Variants in ERC1 observed in about 807,000 individuals in gnomAD.
ERC1 encodes ELKS/RAB6-interacting/CAST family member 1.
ERC1 carries 56 observed loss-of-function variants against 132.0 expected under a neutral mutation model. The ratio of observed to expected loss-of-function variants is 0.42; its 90% confidence interval spans 0.34 to 0.53. The LOEUF is 0.53. Among genes scored for constraint, ERC1 ranks in the 20% least tolerant of loss-of-function variants. ERC1 has a pLI of 0.03. For missense variants in ERC1, 1,202 were observed against 1,349.9 expected (o/e 0.89, Z 1.72); for synonymous variants, 478 against 476.1 (o/e 1.00, Z -0.05).
At position 1,333,080 on chromosome 12, in the gene ERC1, G is replaced by A. The variant is rs111908354; in HGVS notation, c.2781-38753G>A. 3.9e-4 allele frequency among the ~76,000 whole-genome samples: 56 copies of A among 144,694 alleles called. 1 individual carries two copies. The highest frequency in any genetic ancestry group is 1.4e-3 in the African/African-American group (52 of 37,446). The allele number at this position is 144,694 out of a possible 152,430, so 94.9% of individuals were successfully genotyped here. The stretch of plus-strand genomic sequence containing the variant: ...CGTCCTGATCCTCGTCCTGATCCTC[G>A]TCCTGATCCTCGTCCTCCTCTCACC... On this transcript the variant is annotated intron_variant, in intron 15 of 18. Coordinates refer to ENST00000360905, the MANE Select transcript of ERC1 (RefSeq NM_178040.4).
At chr12:1,368,429 A>G (rs756685715) in intron 15 of ERC1, among the ~76,000 whole-genome samples, 40 of 152,188 alleles carry the variant, frequency 2.6e-4, no homozygotes, top group Non-Finnish European at 5.0e-4. Flanking sequence ...GACAGCTATT[A>G]AAATAAAATT....
chr12:1,467,457 C>T (rs1247827709), intron 18 of ERC1, among the ~76,000 whole-genome samples: 2 of 152,148 alleles, frequency 1.3e-5, no homozygotes, highest in South Asian at 2.1e-4. Context: ...CCAGCTTAAC[C>T]TCTTCATTGT....
At chr12:1,188,190 C>T (rs556773718) in intron 11 of ERC1, among the ~76,000 whole-genome samples, 15 of 152,278 alleles carry the variant, frequency 9.9e-5, no homozygotes, top group African/African-American at 2.6e-4. Context: ...TTGCCTATTT[C>T]GTCACCTTCT....
chr12:1,266,454 G>GAGT (rs1016129728), intron 14 of ERC1, among the ~76,000 whole-genome samples: 5 of 127,628 alleles, frequency 3.9e-5, no homozygotes, highest in African/African-American at 1.5e-4. Flanking sequence ...GCCCGGGCTG[G>GAGT]AGTGTAATGG....
At chr12:1,192,276 C>T (rs1566199343) in intron 12 of ERC1, among the ~76,000 whole-genome samples, 1 of 152,126 alleles carries the variant, frequency 6.6e-6, no homozygotes, top group Non-Finnish European at 1.5e-5. Context: ...TCACTTATGC[C>T]CTTGAATGCC....
intron 8 of ERC1, among the ~76,000 whole-genome samples, chr12:1,160,055 T>C (rs946166704): frequency 6.6e-6 from 1 of 151,090 alleles, no homozygotes; most frequent in Non-Finnish European, 1.5e-5. Flanking sequence ...ATCTTTTGAC[T>C]CTTGATTTGA....
chr12:1,113,449 A>G (rs966255510), intron 6 of ERC1, among the ~76,000 whole-genome samples: 1 of 152,210 alleles, frequency 6.6e-6, no homozygotes, highest in Non-Finnish European at 1.5e-5. Context: ...TACTGCTTAC[A>G]AGTTCTTTAC....
intron 2 of ERC1, among the ~76,000 whole-genome samples, chr12:1,043,856 G>C (rs1315899438): frequency 2.6e-5 from 4 of 152,200 alleles, no homozygotes; most frequent in African/African-American, 4.8e-5. Context: ...TAATGCTACT[G>C]TCTCTTTAGC....
In ERC1 at chr12:1,048,153, G is replaced by C. The variant is rs1971373287; in HGVS notation, c.669+19581G>C. On this transcript the variant is annotated intron_variant, in intron 2 of 18. Coordinates refer to ENST00000360905, the MANE Select transcript of ERC1 (RefSeq NM_178040.4). ...ACTCGTTTGTGATGTTTTTGCATTT[G>C]TTTGGTTTCTGTTTGCTGCTATGTT... Among the ~76,000 whole-genome samples, 2 of 152,212 alleles carry C rather than the reference G, an allele frequency of 1.3e-5. 1 individual carries two copies. The highest frequency in any genetic ancestry group is 4.1e-4 in the South Asian group (2 of 4,836).
chr12:1,480,825 T>C (rs2094075238), intron 18 of ERC1: 2 of 702,346 alleles, frequency 2.8e-6, no homozygotes, highest in Admixed American at 4.0e-5. Context: ...AAATACATCT[T>C]TCCCAACTTA....
intron 8 of ERC1, among the ~76,000 whole-genome samples, chr12:1,153,305 A>G (rs1566095496): frequency 6.6e-6 from 1 of 152,254 alleles, no homozygotes; most frequent in Non-Finnish European, 1.5e-5. Context: ...CACATGCTGA[A>G]TATGTTAGAC....
chr12:1,378,100 T>C (rs1269149921), intron 16 of ERC1, among the ~76,000 whole-genome samples: 2 of 152,208 alleles, frequency 1.3e-5, no homozygotes, highest in Non-Finnish European at 2.9e-5. Flanking sequence ...AATATAAATA[T>C]ATTGTTTTGT....
chr12:1,017,601 C>T (rs1240126639), intron 1 of ERC1, among the ~76,000 whole-genome samples: 4 of 149,548 alleles, frequency 2.7e-5, no homozygotes, highest in Non-Finnish European at 4.4e-5. Context: ...CGGGTTCAAG[C>T]GATTCTCATG....
chr12:1,311,686 G>A (rs75810640), intron 15 of ERC1, among the ~76,000 whole-genome samples: 5,268 of 152,140 alleles, frequency 0.035, 98 homozygotes, highest in Middle Eastern at 0.075. Context: ...AAATGGTACC[G>A]ATCCAGTTGG....
intron 4 of ERC1, among the ~76,000 whole-genome samples, chr12:1,107,189 C>T (rs558024049): frequency 6.6e-6 from 1 of 152,280 alleles, no homozygotes; most frequent in Non-Finnish European, 1.5e-5. Context: ...TTCTCTTCCT[C>T]CCCTTTCTCT....
intron 7 of ERC1, among the ~76,000 whole-genome samples, chr12:1,132,465 T>C (rs1033885745): frequency 2.0e-5 from 3 of 152,228 alleles, no homozygotes; most frequent in African/African-American, 7.2e-5. Flanking sequence ...CAATTCATAC[T>C]TGACACTCTC....
chr12:1,327,313 GT>G (rs757799846), intron 15 of ERC1, among the ~76,000 whole-genome samples: 16 of 152,172 alleles, frequency 1.1e-4, no homozygotes, highest in African/African-American at 3.4e-4. Context: ...TAACAATGAA[GT>G]TTTTTTAACG....
chr12:1,290,312 C>G (rs1002280647), intron 15 of ERC1, among the ~76,000 whole-genome samples: 1 of 152,164 alleles, frequency 6.6e-6, no homozygotes, highest in Non-Finnish European at 1.5e-5. Flanking sequence ...GGCGAGCTTA[C>G]TGGGGAAGAG....
At chr12:1,131,390 T>C (rs1021137218) in intron 7 of ERC1, among the ~76,000 whole-genome samples, 3 of 152,234 alleles carry the variant, frequency 2.0e-5, no homozygotes, top group East Asian at 1.9e-4. Flanking sequence ...CAACTAATTA[T>C]TACTACTAAT....
Sources: allele counts gnomAD v4.1 joint callset (sites outside exome capture counted in the v4.1 genomes callset), GRCh38; gene constraint gnomAD v4.1.1; transcripts MANE v1.5; gene names NCBI Gene and HGNC (gene_info 2026-07-23, HGNC 2026-07-21).